Variants in GRIN2A observed in about 807,000 individuals in gnomAD.
GRIN2A encodes glutamate ionotropic receptor NMDA type subunit 2A.
Under a neutral mutation model 113.4 loss-of-function variants are expected in GRIN2A, and 22 were observed. The ratio of observed to expected loss-of-function variants is 0.19; its 90% confidence interval spans 0.14 to 0.28. GRIN2A has a LOEUF of 0.28. Ranked by LOEUF, GRIN2A falls within the 10% of genes least tolerant of loss-of-function variation. The pLI is 1.00. For missense variants in GRIN2A, 1,502 were observed against 1,887.0 expected (o/e 0.80, Z 3.78); for synonymous variants, 827 against 738.4 (o/e 1.12, Z -1.94).
chr16:10,127,012 G>A (rs185240821), intron 2 of GRIN2A, among the ~76,000 whole-genome samples: 3 of 152,252 alleles, frequency 2.0e-5, no homozygotes, highest in East Asian at 3.9e-4. Context: ...ATGCTCACAC[G>A]CTTGCCCTAT....
At chr16:9,987,455 A>G (rs1471698397) in intron 2 of GRIN2A, among the ~76,000 whole-genome samples, 1 of 152,240 alleles carries the variant, frequency 6.6e-6, no homozygotes, top group Admixed American at 6.5e-5. Flanking sequence ...TTCACTAAGA[A>G]TAGTAGCTAC....
intron 2 of GRIN2A, among the ~76,000 whole-genome samples, chr16:9,981,759 C>T (rs1056274600): frequency 3.9e-5 from 6 of 152,072 alleles, no homozygotes; most frequent in African/African-American, 7.2e-5. Flanking sequence ...TTAGAATACA[C>T]ACAAGGTCTA....
At chr16:9,888,691 A>G (rs908886435) in intron 4 of GRIN2A, among the ~76,000 whole-genome samples, 31 of 152,040 alleles carry the variant, frequency 2.0e-4, no homozygotes, top group African/African-American at 7.5e-4. Flanking sequence ...AAACTTAAAA[A>G]TTGTCAAATA....
At chr16:9,988,528 G>A (rs1359954979) in intron 2 of GRIN2A, among the ~76,000 whole-genome samples, 1 of 150,712 alleles carries the variant, frequency 6.6e-6, no homozygotes, top group African/African-American at 2.4e-5. Context: ...CTCCTTCTCT[G>A]TGTGTACCAA....
At chr16:9,813,624 G>A (rs561112148) in intron 10 of GRIN2A, among the ~76,000 whole-genome samples, 63 of 146,306 alleles carry the variant, frequency 4.3e-4, no homozygotes, top group African/African-American at 1.4e-3. Context: ...AGTTTTTATA[G>A]GTGGCCTTGA....
At chr16:10,138,545 G>A (rs146082962) in intron 2 of GRIN2A, among the ~76,000 whole-genome samples, 2,569 of 152,118 alleles carry the variant, frequency 0.017, 75 homozygotes, top group African/African-American at 0.059. Flanking sequence ...GGGAAAATCC[G>A]CCCCCGTTAT....
chr16:10,134,897 T>C lies in GRIN2A; in HGVS notation c.414+45101A>G. Among the ~76,000 whole-genome samples, 2 of 151,558 alleles carry C rather than the reference T, an allele frequency of 1.3e-5. 1 individual carries two copies. Among genetic ancestry groups the C allele is most frequent in the East Asian group, 3.9e-4 (2 of 5,128 alleles). On this transcript the variant is annotated intron_variant, in intron 2 of 12. Transcript: ENST00000330684. ...CCTAATCTCTTCAAAGAGCACTCTGTGTGGCTGAATACTGGGACTTTTTAT... is the reference window on the plus strand; with the variant it reads ...CCTAATCTCTTCAAAGAGCACTCTGCGTGGCTGAATACTGGGACTTTTTAT...
intron 10 of GRIN2A, among the ~76,000 whole-genome samples, chr16:9,800,823 G>A (rs1023261874): frequency 2.0e-5 from 3 of 152,166 alleles, no homozygotes; most frequent in Non-Finnish European, 4.4e-5. Context: ...GAGCAACCTA[G>A]AGCTTGGCTT....
At chr16:10,166,276 A>G (rs558064256) in intron 2 of GRIN2A, among the ~76,000 whole-genome samples, 36 of 152,344 alleles carry the variant, frequency 2.4e-4, no homozygotes, top group Non-Finnish European at 3.7e-4. Context: ...AAATCTGCAA[A>G]AAGCTCAATG....
intron 5 of GRIN2A, 113 bp from the exon 6 acceptor site, chr16:9,841,217 G>T: frequency 1.1e-6 from 1 of 894,314 alleles, no homozygotes; most frequent in Non-Finnish European, 1.8e-6. Context: ...TTTAAAAGGG[G>T]AAGTGGCTTT....
chr16:9,883,236 G>C (rs187576356), intron 4 of GRIN2A, among the ~76,000 whole-genome samples: 5 of 152,282 alleles, frequency 3.3e-5, no homozygotes, highest in Admixed American at 2.0e-4. Flanking sequence ...GTACAGAGTA[G>C]CTCTTAATAA....
intron 3 of GRIN2A, among the ~76,000 whole-genome samples, chr16:9,924,262 TG>T (rs2044413994): frequency 2.0e-5 from 3 of 152,228 alleles, no homozygotes; most frequent in Non-Finnish European, 4.4e-5. Context: ...AATATTTTTT[TG>T]TAATGCAGAT....
At chr16:9,846,944 G>A (rs931967802) in intron 5 of GRIN2A, among the ~76,000 whole-genome samples, 6 of 152,178 alleles carry the variant, frequency 3.9e-5, no homozygotes, top group Non-Finnish European at 8.8e-5. Flanking sequence ...AGGTTTCTGT[G>A]TCCCCAGAGG....
intron 2 of GRIN2A, among the ~76,000 whole-genome samples, chr16:10,011,907 A>G (rs147181968): frequency 6.6e-6 from 1 of 152,234 alleles, no homozygotes; most frequent in East Asian, 1.9e-4. Flanking sequence ...TTCACCCTAT[A>G]ACTCTTGTCT....
chr16:10,047,898 G>C (rs1346115816), intron 2 of GRIN2A, among the ~76,000 whole-genome samples: 1 of 152,096 alleles, frequency 6.6e-6, no homozygotes, highest in African/African-American at 2.4e-5. Flanking sequence ...TCACCACCTT[G>C]GTATCTGGCT....
At chr16:9,968,104 T>C (rs61635187) in intron 2 of GRIN2A, among the ~76,000 whole-genome samples, 1,684 of 152,102 alleles carry the variant, frequency 0.011, 26 homozygotes, top group African/African-American at 0.039. Flanking sequence ...ACTCCCATTT[T>C]GCAGGAAAAA....
rs564784688 is a variant in GRIN2A, at chr16:9,797,255, C to G, written c.2356+1022G>C. Among the ~76,000 whole-genome samples, 8 of 152,332 alleles carry G rather than the reference C, an allele frequency of 5.3e-5. No individual in the cohort carries two copies. The East Asian group carries it at 9.7e-4, about 18-fold the overall frequency. ...GGGGCTTCTGCCCTCTGGCTTGAGC[C>G]TTTCTATCCTCCTCATACCGAGCTC... On this transcript the variant is annotated intron_variant, in intron 11 of 12. Coordinates refer to ENST00000330684, the MANE Select transcript of GRIN2A (RefSeq NM_001134407.3).
chr16:9,926,928 T>A (rs1389382831), intron 3 of GRIN2A, among the ~76,000 whole-genome samples: 6 of 147,820 alleles, frequency 4.1e-5, no homozygotes, highest in Admixed American at 1.3e-4. Context: ...ACTCTAAGTT[T>A]AAAAAAAAAA....
intron 3 of GRIN2A, among the ~76,000 whole-genome samples, chr16:9,912,477 T>C (rs745651237): frequency 8.0e-6 from 1 of 125,284 alleles, no homozygotes; most frequent in Non-Finnish European, 1.6e-5. Flanking sequence ...AATGAAAAGA[T>C]AAAGCACTCT....
Sources: allele counts gnomAD v4.1 joint callset (sites outside exome capture counted in the v4.1 genomes callset), GRCh38; gene constraint gnomAD v4.1.1; transcripts MANE v1.5; gene names NCBI Gene and HGNC (gene_info 2026-07-23, HGNC 2026-07-21).